The following RGPD2 variants were observed in gnomAD, a reference collection of about 807,000 sequenced individuals.
The protein encoded by RGPD2 is RANBP2-like and GRIP domain-containing protein 2.
Under a neutral mutation model 36.0 loss-of-function variants are expected in RGPD2, and 2 were observed. The ratio of observed to expected loss-of-function variants is 0.06; its 90% CI spans 0.02 to 0.17. The LOEUF is 0.17. Among genes scored for constraint, RGPD2 ranks in the 10% least tolerant of loss-of-function variants. The pLI, the probability that RGPD2 is intolerant of heterozygous loss-of-function variation, is 1.00. For synonymous variants in RGPD2, 19 were observed against 163.8 expected, an observed-to-expected ratio of 0.12 and a Z score of 6.75; for missense variants, 40 against 464.3, an observed-to-expected ratio of 0.09 and a Z score of 8.40.
chr2:87,966,208 G>C, the RGPD2 span, among the ~76,000 whole-genome samples: 1 of 152,202 alleles, frequency 6.6e-6, no homozygotes, highest in Non-Finnish European at 1.5e-5. Flanking sequence ...CTAATGCCTG[G>C]TCTCCAGAGC....
At chr2:87,919,822 A>T in the RGPD2 span, among the ~76,000 whole-genome samples, 1 of 151,032 alleles carries the variant, frequency 6.6e-6, no homozygotes, top group East Asian at 1.9e-4. Flanking sequence ...TGTAATCAAC[A>T]TAGCAATTTT....
the RGPD2 span, among the ~76,000 whole-genome samples, chr2:87,852,584 T>C: frequency 0.052 from 7,865 of 151,204 alleles, no homozygotes; most frequent in East Asian, 0.083. Context: ...CAAAGCCTTT[T>C]GCCTCTGACC....
At chr2:87,843,369 AAAAC>A in the RGPD2 span, among the ~76,000 whole-genome samples, 10 of 122,212 alleles carry the variant, frequency 8.2e-5, no homozygotes, top group East Asian at 1.4e-3. Flanking sequence ...TTACAAGAAA[AAAAC>A]AAACAACCCC....
the RGPD2 span, among the ~76,000 whole-genome samples, chr2:87,923,066 G>C: frequency 1.4e-4 from 21 of 151,592 alleles, no homozygotes; most frequent in Admixed American, 3.9e-4. Context: ...TTTAAGCAAA[G>C]AGATGTAGAA....
the RGPD2 span, among the ~76,000 whole-genome samples, chr2:87,921,375 G>C: frequency 1.3e-5 from 2 of 152,118 alleles, no homozygotes; most frequent in African/African-American, 4.8e-5. Flanking sequence ...CTAGGAGTTT[G>C]CATGTTAAAG....
the RGPD2 span, among the ~76,000 whole-genome samples, chr2:87,840,712 A>G: frequency 6.1e-5 from 9 of 148,230 alleles, no homozygotes; most frequent in East Asian, 1.6e-3. Flanking sequence ...TGAGAAAAAA[A>G]GAAATACTCA....
the RGPD2 span, among the ~76,000 whole-genome samples, chr2:87,947,867 G>A: frequency 3.3e-5 from 5 of 152,274 alleles, no homozygotes; most frequent in Admixed American, 6.5e-5. Flanking sequence ...CCCACTGCAC[G>A]TATTTCCTGC....
At chr2:87,928,870 T>C in the RGPD2 span, among the ~76,000 whole-genome samples, 2 of 151,844 alleles carry the variant, frequency 1.3e-5, no homozygotes, top group African/African-American at 4.8e-5. Context: ...TGTCTGTTCA[T>C]GTCCATCACC....
At chr2:87,822,227 A>G (rs1021027706) in intron 1 of RGPD2, among the ~76,000 whole-genome samples, 1 of 152,246 alleles carries the variant, frequency 6.6e-6, no homozygotes, top group African/African-American at 2.4e-5. Flanking sequence ...CTCAAAAGGC[A>G]GAACAAACAA....
chr2:87,920,859 TA>T, the RGPD2 span, among the ~76,000 whole-genome samples: 2 of 101,548 alleles, frequency 2.0e-5, no homozygotes, highest in Admixed American at 1.0e-4. Flanking sequence ...GACCTTCAAC[TA>T]AGTCACTTAA....
the RGPD2 span, among the ~76,000 whole-genome samples, chr2:87,905,122 A>G: frequency 6.6e-6 from 1 of 152,148 alleles, no homozygotes; most frequent in Admixed American, 6.6e-5. Flanking sequence ...CACAAAATAC[A>G]GAGATCTCAC....
the RGPD2 span, among the ~76,000 whole-genome samples, chr2:87,948,087 G>A: frequency 6.6e-6 from 1 of 152,258 alleles, no homozygotes; most frequent in Non-Finnish European, 1.5e-5. Context: ...GTTACATTAG[G>A]TTGGTGCAAA....
chr2:87,900,792 CTCA>C, the RGPD2 span, among the ~76,000 whole-genome samples: 136 of 152,268 alleles, frequency 8.9e-4, no homozygotes, highest in African/African-American at 3.2e-3. Flanking sequence ...CTAATCAAAC[CTCA>C]TCATCATCTA....
chr2:87,763,256 C>T (rs537873626), intron 22 of RGPD2, among the ~76,000 whole-genome samples: 2 of 146,872 alleles, frequency 1.4e-5, no homozygotes, highest in South Asian at 2.2e-4. Context: ...CTCCCGGGTT[C>T]GCGCCATTCT....
the RGPD2 span, among the ~76,000 whole-genome samples, chr2:87,911,809 CTT>C: frequency 1.3e-5 from 2 of 151,864 alleles, no homozygotes; most frequent in African/African-American, 2.4e-5. Flanking sequence ...CCTTTGAACA[CTT>C]TGAGTTTATG....
the RGPD2 span, among the ~76,000 whole-genome samples, chr2:87,866,838 C>T: frequency 2.0e-4 from 30 of 152,288 alleles, no homozygotes; most frequent in Admixed American, 3.9e-4. Flanking sequence ...ATGTCCCACC[C>T]GCCATCCCCT....
the RGPD2 span, among the ~76,000 whole-genome samples, chr2:87,883,960 T>C: frequency 4.0e-5 from 6 of 150,818 alleles, no homozygotes; most frequent in South Asian, 1.2e-3. Flanking sequence ...AACGGATATA[T>C]ACAGAACATT....
intron 1 of RGPD2, among the ~76,000 whole-genome samples, chr2:87,824,757 C>CGCCGCCGCCGCCCGGCCAGGCCGAG (rs1686574507): frequency 8.1e-6 from 1 of 122,912 alleles, no homozygotes; most frequent in Non-Finnish European, 1.7e-5. Flanking sequence ...CCGCCGCCGC[C>CGCCGCCGCCGCCCGGCCAGGCCGAG]GCCGCCGCCG....
chr2:87,857,366 G>A, the RGPD2 span, among the ~76,000 whole-genome samples: 1,128 of 149,142 alleles, frequency 7.6e-3, no homozygotes, highest in Non-Finnish European at 0.012. Context: ...TTTTTGAGAC[G>A]GAGTCTCGCT....
Sources: gnomAD v4.1 joint callset for allele counts (sites outside exome capture counted in the v4.1 genomes callset) on GRCh38, gnomAD v4.1.1 for gene constraint, MANE v1.5 for transcripts, NCBI Gene and HGNC (gene_info 2026-07-23, HGNC 2026-07-21) for gene names.